ZBBX: variants seen among roughly 807,000 people sequenced by gnomAD.
ZBBX encodes zinc finger B-box domain containing.
In ZBBX, 101 loss-of-function variants were observed where a neutral mutation model predicts 108.5. The ratio of observed to expected loss-of-function variants is 0.93; its 90% CI spans 0.79 to 1.10. ZBBX has a LOEUF of 1.10. Ranked by LOEUF, ZBBX falls within the 50% of genes least tolerant of loss-of-function variation. The pLI, the probability that ZBBX is intolerant of heterozygous loss-of-function variation, is 0.00. For synonymous variants in ZBBX, 356 were observed against 323.4 expected (o/e 1.10, Z -1.08); for missense variants, 1,009 against 941.4 (o/e 1.07, Z -0.94).
intron 14 of ZBBX, 89 bp from the exon 15 acceptor site, chr3:167,315,918 C>T (rs1000912405): frequency 1.9e-5 from 14 of 738,652 alleles, no homozygotes; most frequent in African/African-American, 5.3e-5. Flanking sequence ...ATTTGGAGTA[C>T]ATTTTTCCTA....
the ZBBX span, among the ~76,000 whole-genome samples, chr3:167,201,923 A>G: frequency 2.6e-5 from 4 of 152,150 alleles, no homozygotes; most frequent in African/African-American, 9.6e-5. Flanking sequence ...ATCTAAACAG[A>G]CCACCAATGT....
chr3:167,299,468 T>C (rs1250613818), intron 17 of ZBBX, among the ~76,000 whole-genome samples: 4 of 152,124 alleles, frequency 2.6e-5, no homozygotes, highest in South Asian at 4.1e-4. Flanking sequence ...ATTTGAATTA[T>C]GCAATCGCAA....
intron 9 of ZBBX, among the ~76,000 whole-genome samples, chr3:167,348,571 A>T (rs937421048): frequency 1.3e-5 from 2 of 152,054 alleles, no homozygotes; most frequent in East Asian, 3.9e-4. Context: ...GTGTATCTAT[A>T]TATATGTCAA....
the ZBBX span, among the ~76,000 whole-genome samples, chr3:167,182,908 A>G: frequency 6.6e-6 from 1 of 152,210 alleles, no homozygotes; most frequent in African/African-American, 2.4e-5. Context: ...TGGGGGGTGT[A>G]TCCTAACAGG....
intron 20 of ZBBX, among the ~76,000 whole-genome samples, chr3:167,269,462 C>T (rs1726153965): frequency 6.6e-6 from 1 of 152,080 alleles, no homozygotes; most frequent in Admixed American, 6.5e-5. Context: ...AAAAGGATTC[C>T]TTGCCTCATT....
the ZBBX span, among the ~76,000 whole-genome samples, chr3:167,181,577 C>G: frequency 6.6e-6 from 1 of 152,112 alleles, no homozygotes; most frequent in Admixed American, 6.6e-5. Flanking sequence ...GGATGTTTTT[C>G]AATAATTTGA....
intron 1 of ZBBX, among the ~76,000 whole-genome samples, chr3:167,395,738 T>C (rs894289826): frequency 1.3e-5 from 2 of 151,960 alleles, no homozygotes; most frequent in African/African-American, 4.8e-5. Flanking sequence ...GGCTGAGGGT[T>C]CCCTTCAATT....
the ZBBX span, among the ~76,000 whole-genome samples, chr3:167,211,853 G>A: frequency 6.6e-6 from 1 of 152,214 alleles, no homozygotes; most frequent in South Asian, 2.1e-4. Flanking sequence ...CTCTCCCAGA[G>A]GGAGGAGTGG....
chr3:167,242,515 C>G lies in ZBBX; in HGVS notation c.2383G>C (p.Glu795Gln). Residue 795 changes from glutamate to glutamine, a missense_variant, in exon 21 of 22, where the codon GAG becomes CAG. Physicochemically the swap from Glu to Gln is conservative, Grantham distance 29 (BLOSUM62 2). Transcript: ENST00000675490. ...TSHVRGPCGVEELSCSGRDTK... is the reference protein window; with the variant it reads ...TSHVRGPCGVQELSCSGRDTK... ...GCAGGCTTAACTTACCTCAATTCCT[C>G]AACTCCACAGGGACCCCTCACATGT... 1.2e-6 allele frequency: 2 copies of G among 1,601,796 alleles called. No individual in the cohort carries two copies. The highest frequency in any genetic ancestry group is 1.7e-6 in the Non-Finnish European group (2 of 1,175,806).
chr3:167,366,078 T>C, intron 5 of ZBBX, 102 bp from the exon 6 acceptor site: 2 of 777,934 alleles, frequency 2.6e-6, no homozygotes, highest in Middle Eastern at 2.5e-4. Flanking sequence ...GAAATTCAGT[T>C]GTTAACATGC....
intron 16 of ZBBX, among the ~76,000 whole-genome samples, chr3:167,311,344 T>C (rs990306279): frequency 6.6e-6 from 1 of 152,118 alleles, no homozygotes; most frequent in East Asian, 1.9e-4. Flanking sequence ...TGCAAAGCTA[T>C]GAATCTCTCA....
In ZBBX at chr3:167,355,018, G is replaced by C. The variant is rs73879680; in HGVS notation, c.433-4503C>G. On this transcript the variant is annotated intron_variant, in intron 8 of 21. Coordinates refer to ENST00000675490, the MANE Select transcript of ZBBX (RefSeq NM_001199201.2). The stretch of plus-strand genomic sequence containing the variant: ...AGAAACATGCTAAAAATGTAAATAA[G>C]GACTCCTTCCCACCACAGATGCTTC... Among the ~76,000 whole-genome samples, 437 of 151,914 alleles carry C rather than the reference G, an allele frequency of 2.9e-3. 6 individuals are homozygous for C. The highest frequency in any genetic ancestry group is 9.8e-3 in the African/African-American group (408 of 41,494).
chr3:167,288,491 T>C (rs909947932), intron 19 of ZBBX, among the ~76,000 whole-genome samples: 3 of 152,194 alleles, frequency 2.0e-5, no homozygotes, highest in Non-Finnish European at 4.4e-5. Flanking sequence ...TGTCTGATCA[T>C]AATATATATC....
At chr3:167,365,194 T>A (rs565317251) in intron 6 of ZBBX, among the ~76,000 whole-genome samples, 8 of 151,860 alleles carry the variant, frequency 5.3e-5, no homozygotes, top group African/African-American at 1.9e-4. Flanking sequence ...CCAAGTAAGA[T>A]CTTTGTAGAT....
the ZBBX span, among the ~76,000 whole-genome samples, chr3:167,223,191 G>A: frequency 6.6e-6 from 1 of 151,666 alleles, no homozygotes; most frequent in Non-Finnish European, 1.5e-5. Flanking sequence ...CACCAGTCAG[G>A]CCTTCCCCTC....
At chr3:167,358,639 T>C (rs1577082598) in intron 8 of ZBBX, among the ~76,000 whole-genome samples, 1 of 152,176 alleles carries the variant, frequency 6.6e-6, no homozygotes, top group East Asian at 1.9e-4. Context: ...TTATAGCTTT[T>C]AAGAGAGGAT....
chr3:167,281,702 A>G lies in ZBBX; in HGVS notation c.2254+536T>C, dbSNP rs188264462. ...AAATGCGCAAGTATAATTTTTCAAGATGTGGTTTGCCAACTAGCAGCACTG... is the reference window on the plus strand; with the variant it reads ...AAATGCGCAAGTATAATTTTTCAAGGTGTGGTTTGCCAACTAGCAGCACTG... On this transcript the variant is annotated intron_variant, in intron 20 of 21. Coordinates refer to ENST00000675490, the MANE Select transcript of ZBBX (RefSeq NM_001199201.2). Among the ~76,000 whole-genome samples, 13 of 152,334 alleles carry G rather than the reference A, an allele frequency of 8.5e-5. 1 individual carries two copies. Among genetic ancestry groups the G allele is most frequent in the Admixed American group, 8.5e-4 (13 of 15,304 alleles).
chr3:167,376,205 A>G (rs895875244), intron 2 of ZBBX, among the ~76,000 whole-genome samples: 5 of 152,124 alleles, frequency 3.3e-5, no homozygotes, highest in African/African-American at 1.2e-4. Context: ...TTTGGGAGGG[A>G]GGTGGTAGCA....
At chr3:167,273,470 G>A (rs1726902748) in intron 20 of ZBBX, among the ~76,000 whole-genome samples, 1 of 152,130 alleles carries the variant, frequency 6.6e-6, no homozygotes, top group Non-Finnish European at 1.5e-5. Flanking sequence ...ACACCCTGTG[G>A]GTCAGCCCCC....
Sources: allele counts gnomAD v4.1 joint callset (sites outside exome capture counted in the v4.1 genomes callset), GRCh38; gene constraint gnomAD v4.1.1; transcripts MANE v1.5; gene names NCBI Gene and HGNC (gene_info 2026-07-23, HGNC 2026-07-21).